Variants in PDCD7 observed in about 807,000 individuals in gnomAD.
The protein encoded by PDCD7 is programmed cell death 7.
Under a neutral mutation model 42.1 loss-of-function variants are expected in PDCD7, and 40 were observed. That is an observed-to-expected ratio of 0.95 (90% CI 0.74 to 1.24). The LOEUF (loss-of-function observed/expected upper bound fraction) is 1.24. Ranked by LOEUF, PDCD7 falls within the 50% of genes most tolerant of loss-of-function variation. The pLI is 0.00. For synonymous variants in PDCD7, 299 were observed against 303.3 expected, an observed-to-expected ratio of 0.99 and a Z score of 0.15; for missense variants, 644 against 662.8, an observed-to-expected ratio of 0.97 and a Z score of 0.31.
At chr15:65,125,851 T>C (rs779333243) in intron 2 of PDCD7, among the ~76,000 whole-genome samples, 12 of 152,202 alleles carry the variant, frequency 7.9e-5, no homozygotes, top group Non-Finnish European at 1.8e-4. Flanking sequence ...AGAGGTTTAA[T>C]TGACTCACAG....
At chr15:65,128,926 A>G (rs1035465178) in intron 2 of PDCD7, 106 bp downstream of exon 2, 1 of 1,333,916 alleles carries the variant, frequency 7.5e-7, no homozygotes, top group African/African-American at 1.5e-5. Flanking sequence ...GACAAGGTGA[A>G]AATCATGAAG....
At position 65,118,588 on chromosome 15, in the gene PDCD7, A is replaced by T; in HGVS notation, c.*129T>A. 1.1e-6 allele frequency: 1 copy of T among 932,072 alleles called. No individual in the cohort carries two copies. Among genetic ancestry groups the T allele is most frequent in the Non-Finnish European group, 1.5e-6 (1 of 657,402 alleles). The allele number at this position is 932,072 out of a possible 1,614,324, so 57.7% of individuals were successfully genotyped here. On this transcript the variant is annotated 3_prime_UTR_variant, in exon 5 of 5. Transcript: ENST00000204549. ...GCACAGAGCACAGAAGGAAAGCATA[A>T]CTTCAGGGTAGGGGAATGCCACATG... is the stretch of plus-strand genomic sequence containing the variant.
chr15:65,120,691 G>A (rs1463429444), intron 2 of PDCD7, among the ~76,000 whole-genome samples: 1 of 152,050 alleles, frequency 6.6e-6, no homozygotes, highest in Non-Finnish European at 1.5e-5. Flanking sequence ...CTGGGCAACA[G>A]AGTGAGACTC....
rs1566973735 is a variant in PDCD7 at position 65,133,063 on chromosome 15, T to G, written c.719A>C (p.Glu240Ala). The change falls in exon 1 of 5, where the codon GAG (glutamate) becomes GCG (alanine). Residue 240 changes from glutamate (E) to alanine (A), a missense_variant. Physicochemically the swap from Glu to Ala is moderately radical, Grantham distance 107 (BLOSUM62 -1). Coordinates refer to ENST00000204549, the MANE Select transcript of PDCD7 (RefSeq NM_005707.2). ...CCGCAGCCGGCGGCGCCGGACCCTC[T>G]CCAGCCTCCTCCGCGCCTCGCCCAC... is the stretch of plus-strand genomic sequence containing the variant. ...AYVGEARRRL[E>A]RVRRRRLRLR... is the part of the protein sequence containing the mutation. 1 of 1,580,740 alleles carries G rather than the reference T, an allele frequency of 6.3e-7. No individual in the cohort carries two copies. The highest frequency in any genetic ancestry group is 8.5e-7 in the Non-Finnish European group (1 of 1,169,984).
chr15:65,133,375 G>A lies in PDCD7; in HGVS notation c.407C>T (p.Ala136Val), dbSNP rs191692502. 1.9e-5 allele frequency: 23 copies of A among 1,210,606 alleles called. No homozygotes were observed. The East Asian group carries it at 5.8e-4, about 31-fold the overall frequency. The allele number at this position is 1,210,606 out of a possible 1,614,324, so 75.0% of individuals were successfully genotyped here. A position where few individuals can be genotyped will look rare whatever the true frequency, so the allele number is the denominator to read the frequency against. ...PPPPADVLGD[A>V]ALQRLRDRQW... ...CCGGTCGCGCAGGCGTTGGAGGGCC[G>A]CATCCCCGAGCACGTCGGCCGGCGG... is the stretch of plus-strand genomic sequence containing the variant. The change falls in exon 1 of 5, where the codon GCG (alanine) becomes GTG (valine). Residue 136 changes from alanine to valine, a missense_variant. Ala to Val is a moderately conservative substitution (Grantham distance 64). Coordinates refer to ENST00000204549, the MANE Select transcript of PDCD7 (RefSeq NM_005707.2).
chr15:65,124,475 TCACA>T (rs999331137), intron 2 of PDCD7, among the ~76,000 whole-genome samples: 9 of 151,488 alleles, frequency 5.9e-5, no homozygotes, highest in African/African-American at 2.2e-4. Context: ...ACAGCACTTC[TCACA>T]CAGTCTTCCT....
At chr15:65,127,226 G>C (rs933735606) in intron 2 of PDCD7, among the ~76,000 whole-genome samples, 1 of 152,120 alleles carries the variant, frequency 6.6e-6, no homozygotes, top group African/African-American at 2.4e-5. Flanking sequence ...GGGAGGCCGA[G>C]GCAGGTGGAT....
chr15:65,131,315 C>T (rs1322091797), intron 1 of PDCD7, among the ~76,000 whole-genome samples: 1 of 152,098 alleles, frequency 6.6e-6, no homozygotes, highest in African/African-American at 2.4e-5. Flanking sequence ...TGTCTAGTTG[C>T]AGGAAAACAA....
At chr15:65,123,408 G>C (rs533310941) in intron 2 of PDCD7, among the ~76,000 whole-genome samples, 1 of 152,216 alleles carries the variant, frequency 6.6e-6, no homozygotes, top group African/African-American at 2.4e-5. Context: ...GGATAATCTT[G>C]ATCTCCTGAC....
chr15:65,121,333 G>A (rs928246464), intron 2 of PDCD7, among the ~76,000 whole-genome samples: 2 of 152,124 alleles, frequency 1.3e-5, no homozygotes, highest in African/African-American at 2.4e-5. Flanking sequence ...GATTACAGGC[G>A]TGAACCACCA....
intron 2 of PDCD7, among the ~76,000 whole-genome samples, chr15:65,122,607 T>C (rs909719381): frequency 3.3e-5 from 5 of 152,210 alleles, no homozygotes; most frequent in Non-Finnish European, 7.3e-5. Flanking sequence ...ACTTATCAAG[T>C]TCCCTACTCC....
At chr15:65,128,613 G>C (rs891300339) in intron 2 of PDCD7, among the ~76,000 whole-genome samples, 2 of 152,204 alleles carry the variant, frequency 1.3e-5, no homozygotes, top group Admixed American at 1.3e-4. Context: ...TCTTCAAATA[G>C]AAATAATTCA....
rs1414238330 is a variant in PDCD7 at position 65,133,117 on chromosome 15, C to T, written c.665G>A (p.Arg222Gln). 1 of 1,546,286 alleles carries T rather than the reference C, an allele frequency of 6.5e-7. No homozygotes were observed. The highest frequency in any genetic ancestry group is 1.2e-5 in the South Asian group (1 of 85,218). The change falls in exon 1 of 5, where the codon CGG (arginine) becomes CAG (glutamine). Residue 222 changes from arginine (R) to glutamine (Q), a missense_variant. Physicochemically the swap from Arg to Gln is conservative, Grantham distance 43. Coordinates refer to ENST00000204549, the MANE Select transcript of PDCD7 (RefSeq NM_005707.2). The part of the protein sequence containing the change: ...TAPLRAELAE[R>Q]LQPLTQAAYV... ...GGCAGCCTGGGTCAACGGCTGTAGC[C>T]GCTCGGCCAGTTCCGCGCGCAGCGG...
chr15:65,130,673 T>C (rs1248350417), intron 1 of PDCD7, among the ~76,000 whole-genome samples: 2 of 152,074 alleles, frequency 1.3e-5, no homozygotes, highest in Non-Finnish European at 2.9e-5. Context: ...CCTGGGTGAC[T>C]TTTCCTTTAA....
intron 2 of PDCD7, 42 bp from the exon 3 acceptor site, chr15:65,119,996 T>C: frequency 6.3e-7 from 1 of 1,581,176 alleles, no homozygotes; most frequent in Middle Eastern, 1.8e-4. Flanking sequence ...TATTTTTTTT[T>C]TTGAGACAAG....
At chr15:65,122,594 T>A (rs1350649033) in intron 2 of PDCD7, among the ~76,000 whole-genome samples, 1 of 152,214 alleles carries the variant, frequency 6.6e-6, no homozygotes, top group Non-Finnish European at 1.5e-5. Context: ...TACACTAGAA[T>A]ATACTTATCA....
chr15:65,128,081 C>T (rs1189142750), intron 2 of PDCD7, among the ~76,000 whole-genome samples: 1 of 152,226 alleles, frequency 6.6e-6, no homozygotes, highest in Admixed American at 6.5e-5. Context: ...TATTCCAACA[C>T]AACTTTCTTA....
intron 4 of PDCD7, 59 bp from the exon 5 acceptor site, chr15:65,118,899 C>A: frequency 7.8e-7 from 1 of 1,278,126 alleles, no homozygotes; most frequent in South Asian, 1.8e-5. Context: ...ATAAGATGTT[C>A]AGCAACTACA....
intron 1 of PDCD7, among the ~76,000 whole-genome samples, chr15:65,130,750 G>A (rs2087533407): frequency 6.6e-6 from 1 of 152,082 alleles, no homozygotes; most frequent in African/African-American, 2.4e-5. Flanking sequence ...GGCTAAGGCA[G>A]GAGAATCGCT....
Sources: allele counts gnomAD v4.1 joint callset (sites outside exome capture counted in the v4.1 genomes callset), GRCh38; gene constraint gnomAD v4.1.1; transcripts MANE v1.5; gene names NCBI Gene and HGNC (gene_info 2026-07-23, HGNC 2026-07-21).